ADAM2: variants seen among roughly 807,000 people sequenced by gnomAD.
ADAM2 encodes disintegrin and metalloproteinase domain-containing protein 2.
In ADAM2, 101 loss-of-function variants were observed where a neutral mutation model predicts 99.3. The observed-to-expected ratio is 1.02, with a 90% CI of 0.87 to 1.20. The LOEUF is 1.20. ADAM2 is among the 50% of genes most tolerant of loss of function. ADAM2 has a pLI of 0.00. For missense variants in ADAM2, 948 were observed against 878.7 expected, an observed-to-expected ratio of 1.08 and a Z score of -1.00; for synonymous variants, 323 against 287.6, an observed-to-expected ratio of 1.12 and a Z score of -1.25.
intron 16 of ADAM2, among the ~76,000 whole-genome samples, chr8:39,750,330 C>A (rs1301057595): frequency 1.3e-5 from 2 of 151,834 alleles, no homozygotes; most frequent in African/African-American, 4.8e-5. Flanking sequence ...CATCAGTGAA[C>A]AACACAAATC....
At chr8:39,757,304 T>C (rs534369256) in intron 15 of ADAM2, among the ~76,000 whole-genome samples, 1 of 151,970 alleles carries the variant, frequency 6.6e-6, no homozygotes, top group African/African-American at 2.4e-5. Flanking sequence ...GAAACACACA[T>C]GCTCACACTT....
rs759835289 is a variant in ADAM2 at position 39,755,729 on chromosome 8, T to G, written c.1796A>C (p.Lys599Thr). The G allele has an allele frequency of 5.0e-6, 8 of 1,609,504 alleles. No individual in the cohort carries two copies. The East Asian group carries it at 1.8e-4, about 36-fold the overall frequency. The change falls in exon 16 of 21, where the codon AAG becomes ACG. Residue 599 changes from lysine (K) to threonine (T), a missense_variant and splice_region_variant. Physicochemically the swap from Lys to Thr is moderately conservative, Grantham distance 78. Coordinates refer to ENST00000265708, the MANE Select transcript of ADAM2 (RefSeq NM_001464.5). ...ATTTGGGAATAAAAGACTACCTACC[T>G]TATTTGAACCACAAGAAGTTCCATC... Reference protein sequence around the residue: ...IKDGTSCGSNKVCRNQRCVSS... With the variant: ...IKDGTSCGSNTVCRNQRCVSS...
intron 3 of ADAM2, among the ~76,000 whole-genome samples, chr8:39,828,825 T>C (rs955586772): frequency 1.3e-5 from 2 of 151,970 alleles, no homozygotes; most frequent in South Asian, 2.1e-4. Context: ...TTGTGCTGGG[T>C]CCACTGGATG....
intron 15 of ADAM2, 58 bp from the exon 16 acceptor site, chr8:39,755,969 T>A: frequency 2.1e-6 from 2 of 975,102 alleles, no homozygotes; most frequent in Non-Finnish European, 3.0e-6. Flanking sequence ...TACAAGAATA[T>A]AATTTTTAAA....
Position 39,792,401 on chromosome 8 carries a change from T to C in ADAM2, c.571-3661A>G, listed in dbSNP as rs1176158198. ...ATTTTCATTGATATGAAGTAGTTTCTATAAGACCTCAGGATTCTAAAATAG... is the reference window on the plus strand; with the variant it reads ...ATTTTCATTGATATGAAGTAGTTTCCATAAGACCTCAGGATTCTAAAATAG... On this transcript the variant is annotated intron_variant, in intron 7 of 20. Transcript: ENST00000265708. Among the ~76,000 whole-genome samples, 4 of 152,198 alleles carry C rather than the reference T, an allele frequency of 2.6e-5. No individual in the cohort carries two copies. In the East Asian group the frequency reaches 7.7e-4, roughly 29 times the overall value.
intron 14 of ADAM2, among the ~76,000 whole-genome samples, chr8:39,765,730 G>C (rs981068177): frequency 8.6e-5 from 13 of 151,968 alleles, no homozygotes; most frequent in Admixed American, 6.6e-4. Context: ...TTTTCATTTT[G>C]TAAGTTTCTT....
intron 16 of ADAM2, among the ~76,000 whole-genome samples, chr8:39,755,014 G>T (rs1208827058): frequency 6.6e-6 from 1 of 152,068 alleles, no homozygotes. Flanking sequence ...TCAGATATGC[G>T]ACTGGATTGA....
chr8:39,783,709 T>C (rs1803330059), intron 10 of ADAM2, among the ~76,000 whole-genome samples: 1 of 152,174 alleles, frequency 6.6e-6, no homozygotes, highest in African/African-American at 2.4e-5. Flanking sequence ...CCCGGCACTT[T>C]GGGAGGCTGA....
At chr8:39,836,417 T>C (rs1231617251) in intron 2 of ADAM2, among the ~76,000 whole-genome samples, 1 of 152,130 alleles carries the variant, frequency 6.6e-6, no homozygotes, top group Non-Finnish European at 1.5e-5. Context: ...TATATAGATA[T>C]GCATTCCTTT....
At chr8:39,760,966 T>C (rs1802343985) in intron 15 of ADAM2, among the ~76,000 whole-genome samples, 1 of 151,152 alleles carries the variant, frequency 6.6e-6, no homozygotes, top group Admixed American at 6.6e-5. Context: ...TTAATGTACC[T>C]GTATGAAAAC....
chr8:39,809,563 C>T, intron 6 of ADAM2, 97 bp from the exon 7 acceptor site: 2 of 584,132 alleles, frequency 3.4e-6, no homozygotes, highest in Non-Finnish European at 6.2e-6. Context: ...TTGAAAAACA[C>T]AATTTTGCAT....
intron 6 of ADAM2, among the ~76,000 whole-genome samples, chr8:39,814,211 T>G (rs181456964): frequency 6.6e-6 from 1 of 151,894 alleles, no homozygotes; most frequent in African/African-American, 2.4e-5. Context: ...TACAAAAAAT[T>G]AGCTGGGCAT....
At chr8:39,795,674 T>C (rs192972497) in intron 7 of ADAM2, among the ~76,000 whole-genome samples, 1 of 152,252 alleles carries the variant, frequency 6.6e-6, no homozygotes, top group South Asian at 2.1e-4. Flanking sequence ...CCAACCACCA[T>C]GGGCACAAGT....
intron 11 of ADAM2, among the ~76,000 whole-genome samples, chr8:39,771,535 G>C (rs960681312): frequency 6.6e-6 from 1 of 152,058 alleles, no homozygotes. Flanking sequence ...CCTATATTTT[G>C]ATGGAAGACA....
chr8:39,825,124 C>A (rs1340813711), intron 3 of ADAM2, among the ~76,000 whole-genome samples: 1 of 152,180 alleles, frequency 6.6e-6, no homozygotes, highest in Non-Finnish European at 1.5e-5. Context: ...AACAGGCAAG[C>A]TTGGACCTCA....
At chr8:39,751,643 A>G (rs1029687901) in intron 16 of ADAM2, among the ~76,000 whole-genome samples, 2 of 152,210 alleles carry the variant, frequency 1.3e-5, no homozygotes, top group African/African-American at 4.8e-5. Context: ...ATAACCATAT[A>G]GCAATAGTAA....
At chr8:39,751,592 A>G (rs895348278) in intron 16 of ADAM2, among the ~76,000 whole-genome samples, 6 of 152,206 alleles carry the variant, frequency 3.9e-5, no homozygotes, top group African/African-American at 1.4e-4. Context: ...GAAAAGCAGC[A>G]TCCAAATAAA....
intron 7 of ADAM2, among the ~76,000 whole-genome samples, chr8:39,803,813 C>G (rs1804315372): frequency 6.6e-6 from 1 of 152,094 alleles, no homozygotes; most frequent in South Asian, 2.1e-4. Context: ...AGTAAAACAT[C>G]GACATGTTAG....
In ADAM2 at chr8:39,813,568, C is replaced by T. The variant is rs573283383; in HGVS notation, c.514-4102G>A. 2.6e-5 allele frequency among the ~76,000 whole-genome samples: 4 copies of T among 152,306 alleles called. No individual in the cohort carries two copies. In the South Asian group the frequency reaches 8.3e-4, roughly 32 times the overall value. On this transcript the variant is annotated intron_variant, in intron 6 of 20. Transcript: ENST00000265708. ...GGATAAAGAAAATGTGGCACATACA[C>T]ACCATGGAATACTATGTAGCCATAA...
Sources: allele counts gnomAD v4.1 joint callset (sites outside exome capture counted in the v4.1 genomes callset), GRCh38; gene constraint gnomAD v4.1.1; transcripts MANE v1.5; gene names NCBI Gene and HGNC (gene_info 2026-07-23, HGNC 2026-07-21).